The following DSCAM variants were observed in gnomAD, a reference collection of about 807,000 sequenced individuals.
DSCAM encodes the protein cell adhesion molecule DSCAM.
In DSCAM, 47 loss-of-function variants were observed where a neutral mutation model predicts 217.7. The ratio of observed to expected loss-of-function variants is 0.22; its 90% confidence interval spans 0.17 to 0.28. The LOEUF (loss-of-function observed/expected upper bound fraction) is 0.28, where lower values mean the gene tolerates loss of function less well. Ranked by LOEUF, DSCAM falls within the 10% of genes least tolerant of loss-of-function variation. The pLI is 1.00. For synonymous variants in DSCAM, 1,056 were observed against 1,015.3 expected, an observed-to-expected ratio of 1.04 and a Z score of -0.76; for missense variants, 2,080 against 2,618.3, an observed-to-expected ratio of 0.79 and a Z score of 4.49.
intron 20 of DSCAM, among the ~76,000 whole-genome samples, chr21:40,100,780 G>C (rs2089740246): frequency 6.6e-6 from 1 of 152,058 alleles, no homozygotes; most frequent in African/African-American, 2.4e-5. Context: ...GAAATCTGTG[G>C]GGAAGCAACA....
intron 11 of DSCAM, among the ~76,000 whole-genome samples, chr21:40,264,456 C>A (rs1387397832): frequency 2.0e-5 from 3 of 152,030 alleles, no homozygotes; most frequent in African/African-American, 7.2e-5. Flanking sequence ...AAACAAAAAC[C>A]ATATGATCAT....
chr21:40,387,825 G>C (rs1469967162), intron 3 of DSCAM, among the ~76,000 whole-genome samples: 3 of 152,114 alleles, frequency 2.0e-5, no homozygotes, highest in Non-Finnish European at 1.5e-5. Flanking sequence ...TATCATAAAA[G>C]ATACAAATAT....
chr21:40,733,005 T>G (rs570444223), intron 1 of DSCAM, among the ~76,000 whole-genome samples: 1 of 152,352 alleles, frequency 6.6e-6, no homozygotes, highest in South Asian at 2.1e-4. Flanking sequence ...AATACTCTCA[T>G]CTATTTTTTT....
chr21:40,496,334 GC>G, intron 3 of DSCAM, among the ~76,000 whole-genome samples: 1 of 151,994 alleles, frequency 6.6e-6, no homozygotes, highest in African/African-American at 2.4e-5. Flanking sequence ...CAGACCAGTT[GC>G]ACAGAATACA....
At chr21:40,378,840 G>C in intron 3 of DSCAM, among the ~76,000 whole-genome samples, 1 of 151,922 alleles carries the variant, frequency 6.6e-6, no homozygotes, top group Non-Finnish European at 1.5e-5. Context: ...TGATCCGCCC[G>C]CCTCGGCCTC....
At chr21:40,287,031 C>T (rs1445998799) in intron 10 of DSCAM, among the ~76,000 whole-genome samples, 1 of 144,898 alleles carries the variant, frequency 6.9e-6, no homozygotes, top group African/African-American at 2.5e-5. Flanking sequence ...GCGGTGTGAT[C>T]TGCAGTGTGA....
At chr21:40,692,252 CTAAATT>C (rs2090546376) in intron 3 of DSCAM, among the ~76,000 whole-genome samples, 1 of 152,132 alleles carries the variant, frequency 6.6e-6, no homozygotes, top group African/African-American at 2.4e-5. Context: ...TTCTTGGAGG[CTAAATT>C]TAAATTTTGT....
intron 10 of DSCAM, among the ~76,000 whole-genome samples, chr21:40,278,584 T>C (rs1167408948): frequency 6.6e-6 from 1 of 151,964 alleles, no homozygotes; most frequent in Non-Finnish European, 1.5e-5. Context: ...TTTTAAAAAT[T>C]AGCTGGACAT....
At chr21:40,801,876 G>T (rs1293236703) in intron 1 of DSCAM, among the ~76,000 whole-genome samples, 1 of 151,976 alleles carries the variant, frequency 6.6e-6, no homozygotes, top group Admixed American at 6.6e-5. Context: ...CCCAGGCAGG[G>T]ACTTGTCACA....
At chr21:40,550,807 T>C (rs1309174852) in intron 3 of DSCAM, among the ~76,000 whole-genome samples, 1 of 152,188 alleles carries the variant, frequency 6.6e-6, no homozygotes, top group Non-Finnish European at 1.5e-5. Context: ...ATAACATTTA[T>C]GGACAGAAAA....
At chr21:40,362,235 G>A (rs111879472) in intron 4 of DSCAM, among the ~76,000 whole-genome samples, 16 of 151,984 alleles carry the variant, frequency 1.1e-4, no homozygotes, top group Admixed American at 2.0e-4. Context: ...ATAAACATAC[G>A]TGTGCATGTG....
chr21:40,396,453 G>A (rs1388486907), intron 3 of DSCAM, among the ~76,000 whole-genome samples: 2 of 152,168 alleles, frequency 1.3e-5, no homozygotes, highest in Admixed American at 1.3e-4. Flanking sequence ...TGTTGTGGAA[G>A]TTTCAGCTCA....
At chr21:40,620,020 GAA>G in intron 3 of DSCAM, among the ~76,000 whole-genome samples, 1 of 69,656 alleles carries the variant, frequency 1.4e-5, no homozygotes, top group Non-Finnish European at 2.8e-5. Flanking sequence ...AAAAGAAAAA[GAA>G]AGAAAGAGAG....
chr21:40,069,470 T>C (rs2089257883), intron 27 of DSCAM, among the ~76,000 whole-genome samples: 2 of 152,208 alleles, frequency 1.3e-5, no homozygotes, highest in Admixed American at 1.3e-4. Flanking sequence ...ACTGCAGCTG[T>C]GCAAAGCTTG....
chr21:40,846,603 A>G lies in DSCAM; in HGVS notation c.43+16T>C. ...ATGATAAGGAAACGAAATTCATCAC[A>G]AACCGAAAGGCTCACCATTCGCGAA... On this transcript the variant is annotated intron_variant, in intron 1 of 32. Transcript: ENST00000400454. 1 of 1,197,970 alleles carries G rather than the reference A, an allele frequency of 8.3e-7. No homozygotes were observed. The highest frequency in any genetic ancestry group is 1.0e-6 in the Non-Finnish European group (1 of 954,430). The allele number at this position is 1,197,970 out of a possible 1,614,324, so 74.2% of individuals were successfully genotyped here.
chr21:40,484,891 G>C (rs552813052), intron 3 of DSCAM, among the ~76,000 whole-genome samples: 2 of 152,324 alleles, frequency 1.3e-5, no homozygotes, highest in South Asian at 4.1e-4. Context: ...CTCCTGCAGA[G>C]AATGTTTTGG....
chr21:40,638,075 C>T (rs2089831082), intron 3 of DSCAM, among the ~76,000 whole-genome samples: 1 of 152,060 alleles, frequency 6.6e-6, no homozygotes. Flanking sequence ...ATGAGAACAT[C>T]ATAGAACTTA....
intron 29 of DSCAM, among the ~76,000 whole-genome samples, chr21:40,053,926 C>T (rs188722489): frequency 1.8e-4 from 27 of 152,290 alleles, no homozygotes; most frequent in Non-Finnish European, 3.1e-4. Flanking sequence ...AATATTGTAA[C>T]GTGTTATATA....
chr21:40,683,179 G>A (rs1270742446), intron 3 of DSCAM, among the ~76,000 whole-genome samples: 1 of 152,102 alleles, frequency 6.6e-6, no homozygotes, highest in Non-Finnish European at 1.5e-5. Context: ...TTGTTTTGGC[G>A]TCCAGAGCTG....
Sources: gnomAD v4.1 joint callset for allele counts (sites outside exome capture counted in the v4.1 genomes callset) on GRCh38, gnomAD v4.1.1 for gene constraint, MANE v1.5 for transcripts, NCBI Gene and HGNC (gene_info 2026-07-23, HGNC 2026-07-21) for gene names.